Variants in TMEM184B observed in about 807,000 individuals in gnomAD.
TMEM184B encodes putative MAPK-activating protein FM08.
Under a neutral mutation model 41.8 loss-of-function variants are expected in TMEM184B, and 17 were observed. That is an observed-to-expected ratio of 0.41 (90% CI 0.28 to 0.61). TMEM184B has a LOEUF of 0.61. Among genes scored for constraint, TMEM184B ranks in the 20% least tolerant of loss-of-function variants. The pLI is 0.34. For synonymous variants in TMEM184B, 240 were observed against 229.5 expected (o/e 1.05, Z -0.41); for missense variants, 393 against 557.8 (o/e 0.70, Z 2.98).
At chr22:38,234,382 A>G (rs1462990216) in intron 3 of TMEM184B, among the ~76,000 whole-genome samples, 1 of 152,162 alleles carries the variant, frequency 6.6e-6, no homozygotes, top group Non-Finnish European at 1.5e-5. Flanking sequence ...CAGGCACACA[A>G]GGGAGTGAGC....
At chr22:38,222,643 G>A (rs1414699386) in intron 8 of TMEM184B, 41 of 985,362 alleles carry the variant, frequency 4.2e-5, no homozygotes, top group South Asian at 4.7e-5. Context: ...GGGACCTACC[G>A]TAAGGGCCGT....
intron 3 of TMEM184B, 61 bp downstream of exon 3, chr22:38,245,874 G>T (rs962188946): frequency 2.0e-6 from 3 of 1,474,734 alleles, no homozygotes; most frequent in East Asian, 4.8e-5. Flanking sequence ...GGAATGTGGG[G>T]ACAGGGGCTC....
chr22:38,227,468 G>A (rs566774716), intron 5 of TMEM184B, among the ~76,000 whole-genome samples: 21 of 152,232 alleles, frequency 1.4e-4, no homozygotes, highest in South Asian at 1.2e-3. Flanking sequence ...ACCAGCCACC[G>A]GGAAGCCGGC....
chr22:38,267,685 G>A (rs531866023), intron 1 of TMEM184B, among the ~76,000 whole-genome samples: 1 of 152,126 alleles, frequency 6.6e-6, no homozygotes, highest in South Asian at 2.1e-4. Context: ...TGCCCACCTC[G>A]GCCTCCCAAA....
At position 38,272,361 on chromosome 22, in the gene TMEM184B, CG is replaced by C. The variant is rs1850863149; in HGVS notation, c.-59+522del. ...CATCTTTCGAGCCCCAGGTCCCAGT[CG>C]ATCCCCTTCCAAACCTGCGGACCTG... On this transcript the variant is annotated intron_variant, in intron 1 of 8. Coordinates refer to ENST00000361906, the MANE Select transcript of TMEM184B (RefSeq NM_012264.5). 5 of 602,638 alleles carry C rather than the reference CG, an allele frequency of 8.3e-6. No individual in the cohort carries two copies. In the South Asian group the frequency reaches 2.9e-4, roughly 35 times the overall value. 37.3% of individuals were successfully genotyped at this position (602,638 alleles called of 1,614,324 possible).
intron 8 of TMEM184B, chr22:38,222,514 C>A (rs1310450509): frequency 2.3e-6 from 2 of 871,966 alleles, no homozygotes; most frequent in Non-Finnish European, 2.8e-6. Flanking sequence ...GCTCTGGGCG[C>A]TCCCACCCAG....
chr22:38,218,852 G>T (rs1373457810), downstream of TMEM184B, among the ~76,000 whole-genome samples: 1 of 152,234 alleles, frequency 6.6e-6, no homozygotes, highest in Non-Finnish European at 1.5e-5. Flanking sequence ...GTACCAGAGA[G>T]GCCAGGCACT....
intron 3 of TMEM184B, among the ~76,000 whole-genome samples, chr22:38,235,534 T>C (rs1396193854): frequency 6.6e-6 from 1 of 152,224 alleles, no homozygotes; most frequent in African/African-American, 2.4e-5. Context: ...TCTTGACCTT[T>C]TGGAGGTGCT....
intron 8 of TMEM184B, chr22:38,223,649 C>G (rs2091332439): frequency 6.6e-6 from 1 of 152,408 alleles, no homozygotes; most frequent in South Asian, 2.1e-4. Context: ...TGCCTCCAGC[C>G]ACTCGGGCAG....
In TMEM184B at chr22:38,225,604, G is replaced by A. The variant is rs1192759749; in HGVS notation, c.618-11C>T. 2.5e-6 allele frequency: 4 copies of A among 1,601,382 alleles called. No individual in the cohort carries two copies. The African/African-American group carries it at 4.1e-5, about 16-fold the overall frequency. ...TAGCCACTGGTGACGCTGCGGGACG[G>A]GGAGCATTTTCTGGCTGGGACAGAC... On this transcript the variant is annotated splice_polypyrimidine_tract_variant and intron_variant, in intron 6 of 8. Transcript: ENST00000361906. This position sits in a 1 kb window ranked among gnomAD's most constrained non-coding sequence, Gnocchi z 4.4.
intron 1 of TMEM184B, among the ~76,000 whole-genome samples, chr22:38,252,153 G>A (rs1362479190): frequency 6.6e-6 from 1 of 151,058 alleles, no homozygotes; most frequent in Non-Finnish European, 1.5e-5. Context: ...TCTGCCTCCT[G>A]GGGTCAAGCC....
At chr22:38,243,895 C>T (rs184897398) in intron 3 of TMEM184B, among the ~76,000 whole-genome samples, 6 of 152,242 alleles carry the variant, frequency 3.9e-5, no homozygotes, top group East Asian at 3.9e-4. Flanking sequence ...AGATGGAACA[C>T]GAAGCAAGGG....
rs2091398215 is a variant in TMEM184B at position 38,225,265 on chromosome 22, C to A, written c.787+159G>T. On this transcript the variant is annotated intron_variant, in intron 7 of 8. Transcript: ENST00000361906. The surrounding 1 kb of genome is among the most constrained non-coding windows in gnomAD (Gnocchi z 4.4). ...AGCTCTCCCTAGCCCCTGGGAAAGG[C>A]CCTCGAGGGCTCAGATTTCACCCCC... is the stretch of plus-strand genomic sequence containing the variant. 6.6e-6 allele frequency among the ~76,000 whole-genome samples: 1 copy of A among 152,148 alleles called. No homozygotes were observed.
intron 1 of TMEM184B, among the ~76,000 whole-genome samples, chr22:38,255,172 C>A (rs541111603): frequency 1.3e-5 from 2 of 152,144 alleles, no homozygotes; most frequent in African/African-American, 4.8e-5. Flanking sequence ...ATTATAGGCG[C>A]GTGTCACCAT....
chr22:38,269,059 T>C (rs2092483848), intron 1 of TMEM184B, among the ~76,000 whole-genome samples: 1 of 152,256 alleles, frequency 6.6e-6, no homozygotes. Context: ...ATTTGCCCCC[T>C]ATTTTTAAAC....
intron 3 of TMEM184B, among the ~76,000 whole-genome samples, chr22:38,243,303 G>C (rs1569034403): frequency 6.6e-6 from 1 of 152,188 alleles, no homozygotes; most frequent in Non-Finnish European, 1.5e-5. Flanking sequence ...GCCGCCTCTG[G>C]GGCACGGAGT....
At chr22:38,233,022 C>T (rs2091676708) in intron 3 of TMEM184B, among the ~76,000 whole-genome samples, 1 of 152,218 alleles carries the variant, frequency 6.6e-6, no homozygotes, top group African/African-American at 2.4e-5. Context: ...CCCCTCTCGC[C>T]TTCCTCAGGA....
chr22:38,257,871 G>A (rs530137300), intron 1 of TMEM184B, among the ~76,000 whole-genome samples: 3 of 152,254 alleles, frequency 2.0e-5, no homozygotes, highest in Admixed American at 6.5e-5. Context: ...ATAGTGATAG[G>A]CAAAGGCCCA....
intron 3 of TMEM184B, among the ~76,000 whole-genome samples, chr22:38,242,799 C>T (rs1480210947): frequency 6.6e-6 from 1 of 152,156 alleles, no homozygotes; most frequent in African/African-American, 2.4e-5. Context: ...CACGGTGGCT[C>T]ACATCTGTAA....
Sources: allele counts gnomAD v4.1 joint callset (sites outside exome capture counted in the v4.1 genomes callset), GRCh38; gene constraint gnomAD v4.1.1; non-coding constraint Gnocchi (gnomAD v3.1); transcripts MANE v1.5; gene names NCBI Gene and HGNC (gene_info 2026-07-23, HGNC 2026-07-21).